TTLL5: variants seen among roughly 807,000 people sequenced by gnomAD.
TTLL5 encodes the protein tubulin tyrosine ligase like 5.
Under a neutral mutation model 168.4 loss-of-function variants are expected in TTLL5, and 132 were observed. The ratio of observed to expected loss-of-function variants is 0.78; its 90% CI spans 0.68 to 0.91. The LOEUF (loss-of-function observed/expected upper bound fraction) is 0.91. Among genes scored for constraint, TTLL5 ranks in the 40% least tolerant of loss-of-function variants. The pLI is 0.00. For missense variants in TTLL5, 1,545 were observed against 1,581.5 expected, an observed-to-expected ratio of 0.98 and a Z score of 0.39; for synonymous variants, 546 against 558.6, an observed-to-expected ratio of 0.98 and a Z score of 0.32.
At chr14:75,733,425 C>T (rs748251358) in intron 13 of TTLL5, among the ~76,000 whole-genome samples, 4 of 152,010 alleles carry the variant, frequency 2.6e-5, no homozygotes, top group Non-Finnish European at 5.9e-5. Flanking sequence ...GGGTTCCCGC[C>T]CATCTGGTGA....
At chr14:75,773,925 T>TAC (rs1341418983) in intron 21 of TTLL5, among the ~76,000 whole-genome samples, 2 of 26,276 alleles carry the variant, frequency 7.6e-5, no homozygotes, top group Admixed American at 5.6e-4. Flanking sequence ...TATATATATA[T>TAC]ATAGAGAGAG....
At chr14:75,760,001 A>G (rs1331811560) in intron 18 of TTLL5, among the ~76,000 whole-genome samples, 1 of 152,096 alleles carries the variant, frequency 6.6e-6, no homozygotes, top group African/African-American at 2.4e-5. Flanking sequence ...GTACATTAGT[A>G]TAGTAAAGCA....
chr14:75,725,438 A>G (rs1349682535), intron 12 of TTLL5, among the ~76,000 whole-genome samples: 1 of 152,222 alleles, frequency 6.6e-6, no homozygotes, highest in Non-Finnish European at 1.5e-5. Flanking sequence ...TCAAGCAAAC[A>G]TTGGTTATTT....
intron 27 of TTLL5, among the ~76,000 whole-genome samples, chr14:75,800,940 C>T (rs1332898440): frequency 6.6e-6 from 1 of 152,092 alleles, no homozygotes; most frequent in Non-Finnish European, 1.5e-5. Flanking sequence ...AGCTGGTTTT[C>T]TTGAGCGCTG....
intron 27 of TTLL5, among the ~76,000 whole-genome samples, chr14:75,812,042 C>T (rs1200302481): frequency 6.6e-6 from 1 of 152,122 alleles, no homozygotes; most frequent in Non-Finnish European, 1.5e-5. Context: ...GCAATGTGTC[C>T]CTACCCCACA....
rs1359216882 is a variant in TTLL5 at position 75,793,086 on chromosome 14, C to T, written c.3157C>T (p.Leu1053Phe). Residue 1053 changes from leucine (L) to phenylalanine (F), a missense_variant, in exon 27 of 32, where the codon CTC becomes TTC. Coordinates refer to ENST00000298832, the MANE Select transcript of TTLL5 (RefSeq NM_015072.5). ...GTATTCTCCATCCAGCCACATCAAC[C>T]TCCTCACCCAACAGGTACGGATGGT... ...RQYSPSSHIN[L>F]LTQQVTNLNL... is the part of the protein sequence containing the mutation. 1 of 1,611,040 alleles carries T rather than the reference C, an allele frequency of 6.2e-7. No individual in the cohort carries two copies. The highest frequency in any genetic ancestry group is 1.3e-5 in the African/African-American group (1 of 74,880).
intron 28 of TTLL5, chr14:75,838,123 A>G (rs755375569): frequency 2.0e-5 from 3 of 152,178 alleles, no homozygotes; most frequent in African/African-American, 7.2e-5. Flanking sequence ...AAAGCACTAC[A>G]TGGTAGCCAG....
intron 3 of TTLL5, among the ~76,000 whole-genome samples, chr14:75,676,754 T>C (rs909847777): frequency 6.6e-6 from 1 of 151,952 alleles, no homozygotes; most frequent in East Asian, 1.9e-4. Context: ...AGAAATAATA[T>C]TGATAGCATT....
intron 31 of TTLL5, among the ~76,000 whole-genome samples, chr14:75,920,868 A>G (rs1566660954): frequency 6.6e-6 from 1 of 152,200 alleles, no homozygotes; most frequent in Non-Finnish European, 1.5e-5. Context: ...CTATTTCTCC[A>G]CATCCTCTCC....
At chr14:75,921,692 A>G (rs895444919) in intron 31 of TTLL5, among the ~76,000 whole-genome samples, 8 of 152,242 alleles carry the variant, frequency 5.3e-5, no homozygotes, top group African/African-American at 1.9e-4. Flanking sequence ...TTTGCTTAGG[A>G]TTGTCTTGGC....
rs1895458844 is a variant in TTLL5 at position 75,829,751 on chromosome 14, C to CA, written c.3326+9596dup. 4.6e-5 allele frequency among the ~76,000 whole-genome samples: 7 copies of CA among 151,834 alleles called. No individual in the cohort carries two copies. In the South Asian group the frequency reaches 1.5e-3, roughly 32 times the overall value. On this transcript the variant is annotated intron_variant, in intron 28 of 31. Transcript: ENST00000298832. ...GCTACGGATAGGTTAAGAAATGGAA[C>CA]AAAAAAGAAGATAATGTGCAAGATA...
In TTLL5 at chr14:75,793,059, C is replaced by T; in HGVS notation, c.3130C>T (p.Gln1044Ter). The change falls in exon 27 of 32, where the codon CAG becomes TAG. Residue 1044 changes from glutamine to a stop codon, truncating the protein, a stop_gained. Transcript: ENST00000298832. LOFTEE classifies it high-confidence loss of function. The stretch of plus-strand genomic sequence containing the variant: ...GCTAGCTGAGAAGCAGGCAGCGAGA[C>T]AGTATTCTCCATCCAGCCACATCAA... ...QRLAEKQAARQYSPSSHINLL... is the reference protein window; with the variant it reads ...QRLAEKQAAR The T allele has an allele frequency of 6.2e-7, 1 of 1,613,472 alleles. No individual in the cohort carries two copies. The highest frequency in any genetic ancestry group is 8.5e-7 in the Non-Finnish European group (1 of 1,179,622).
At chr14:75,871,978 T>C (rs1198263066) in intron 29 of TTLL5, among the ~76,000 whole-genome samples, 2 of 152,218 alleles carry the variant, frequency 1.3e-5, no homozygotes, top group Admixed American at 6.5e-5. Flanking sequence ...TCAGGACACA[T>C]AAGATACAGA....
At position 75,766,322 on chromosome 14, in the gene TTLL5, C is replaced by A; in HGVS notation, c.1969C>A (p.Pro657Thr). The change falls in exon 20 of 32, where the codon CCT becomes ACT. Residue 657 changes from proline (P) to threonine (T), a missense_variant. Pro to Thr is a conservative substitution (Grantham distance 38). Transcript: ENST00000298832. Reference protein sequence around the residue: ...CCKLETQELEPKFNLMQILQD... With the variant: ...CCKLETQELETKFNLMQILQD... ...CAAACTTGAGACTCAGGAGCTAGAG[C>A]CTAAATTTAACCTGATGCAGATTCT... 6.2e-7 allele frequency: 1 copy of A among 1,613,700 alleles called. No homozygotes were observed. Among genetic ancestry groups the A allele is most frequent in the Non-Finnish European group, 8.5e-7 (1 of 1,179,910 alleles).
intron 30 of TTLL5, among the ~76,000 whole-genome samples, chr14:75,883,532 G>A (rs1352867245): frequency 6.6e-6 from 1 of 152,206 alleles, no homozygotes; most frequent in East Asian, 1.9e-4. Flanking sequence ...TTGTGTCGCA[G>A]ACATTTGTGT....
chr14:75,906,243 T>G (rs1282310187), intron 31 of TTLL5, among the ~76,000 whole-genome samples: 1 of 152,108 alleles, frequency 6.6e-6, no homozygotes, highest in Non-Finnish European at 1.5e-5. Flanking sequence ...ATGATCAGAT[T>G]CTTACTCTTT....
At chr14:75,836,436 G>C (rs1895871846) in intron 28 of TTLL5, among the ~76,000 whole-genome samples, 1 of 151,582 alleles carries the variant, frequency 6.6e-6, no homozygotes, top group Non-Finnish European at 1.5e-5. Flanking sequence ...AGTGGGGATG[G>C]TTAATGGATA....
intron 27 of TTLL5, among the ~76,000 whole-genome samples, chr14:75,807,404 G>A (rs142034661): frequency 9.4e-4 from 143 of 152,320 alleles, no homozygotes; most frequent in African/African-American, 3.3e-3. Flanking sequence ...CTGCACCACT[G>A]CACTCCAACC....
At chr14:75,680,615 A>ATTTTTTTTTTTTTT (rs35254410) in intron 3 of TTLL5, among the ~76,000 whole-genome samples, 2 of 102,006 alleles carry the variant, frequency 2.0e-5, no homozygotes, top group Admixed American at 1.1e-4. Flanking sequence ...TAGAGCAGGG[A>ATTTTTTTTTTTTTT]TTTTTTTTTT....
Sources: allele counts gnomAD v4.1 joint callset (sites outside exome capture counted in the v4.1 genomes callset), GRCh38; gene constraint gnomAD v4.1.1; transcripts MANE v1.5; gene names NCBI Gene and HGNC (gene_info 2026-07-23, HGNC 2026-07-21).